Variants in DMD observed in about 807,000 individuals in gnomAD.
DMD encodes mutant dystrophin.
DMD carries 63 observed loss-of-function variants against 330.1 expected under a neutral mutation model. The observed-to-expected ratio is 0.19, with a 90% CI of 0.16 to 0.24. DMD has a LOEUF of 0.24. Among genes scored for constraint, DMD ranks in the 10% least tolerant of loss-of-function variants. The pLI is 1.00. For missense variants in DMD, 3,344 were observed against 2,684.1 expected (o/e 1.25, Z -5.43); for synonymous variants, 1,223 against 959.8 (o/e 1.27, Z -5.07).
chrX:32,978,633 C>A (rs2092619191), intron 2 of DMD, among the ~76,000 whole-genome samples: 2 of 111,546 alleles, frequency 1.8e-5, no homozygotes, highest in Admixed American at 1.9e-4. Context: ...TTACACTGAA[C>A]TAATTTTTAT....
chrX:31,834,140 G>A (rs368337167), intron 49 of DMD, among the ~76,000 whole-genome samples: 1 of 111,487 alleles, frequency 9.0e-6, no homozygotes, highest in Admixed American at 9.5e-5. Flanking sequence ...CTTTGTTCAC[G>A]TTCTATCAGA....
At chrX:31,123,422 T>C (rs1379271113) in intron 78 of DMD, among the ~76,000 whole-genome samples, 1 of 112,241 alleles carries the variant, frequency 8.9e-6, no homozygotes, top group Non-Finnish European at 1.9e-5. Context: ...AGTGGGCCAA[T>C]AGTTTGGCAG....
In DMD at chrX:31,119,876, AAAAG is replaced by A. The variant is rs769370097; in HGVS notation, c.*2039_*2042del. On this transcript the variant is annotated 3_prime_UTR_variant, in exon 79 of 79. Transcript: ENST00000357033. ...GTTTTCTTTTGAAAATTATGAAGGA[AAAAG>A]AAAGAATTATAAAGGAAAAAGAAAA... 5.4e-5 allele frequency: 6 copies of A among 111,713 alleles called. No individual in the cohort carries two copies. The highest frequency in any genetic ancestry group is 9.4e-5 in the Non-Finnish European group (5 of 53,119). The allele number at this position is 111,713 out of a possible 1,213,427, so 9.2% of individuals were successfully genotyped here.
At chrX:32,241,929 C>T (rs2097210191) in intron 43 of DMD, among the ~76,000 whole-genome samples, 1 of 110,958 alleles carries the variant, frequency 9.0e-6, no homozygotes, top group African/African-American at 3.3e-5. Flanking sequence ...ATTTTATAGC[C>T]TTAAGTGGAA....
intron 44 of DMD, among the ~76,000 whole-genome samples, chrX:32,214,791 T>C (rs1236494506): frequency 8.9e-6 from 1 of 112,112 alleles, no homozygotes; most frequent in African/African-American, 3.2e-5. Context: ...TTCAATATAT[T>C]TGAATTTATT....
intron 47 of DMD, among the ~76,000 whole-genome samples, chrX:31,921,521 T>C (rs769217984): frequency 8.9e-6 from 1 of 112,174 alleles, no homozygotes; most frequent in South Asian, 3.7e-4. Context: ...CCAAGAGCCA[T>C]ATTTACAACT....
chrX:32,013,939 C>T (rs1044167230), intron 44 of DMD, among the ~76,000 whole-genome samples: 11 of 112,112 alleles, frequency 9.8e-5, no homozygotes, highest in African/African-American at 3.2e-4. Flanking sequence ...AGACAAATAT[C>T]TAATTTGAAC....
At chrX:32,557,092 C>A (rs1363779071) in intron 16 of DMD, among the ~76,000 whole-genome samples, 1 of 111,296 alleles carries the variant, frequency 9.0e-6, no homozygotes, top group African/African-American at 3.3e-5. Context: ...CTATTATGAC[C>A]TCACAATGGC....
chrX:32,184,252 A>G (rs924102901), intron 44 of DMD, among the ~76,000 whole-genome samples: 3 of 110,831 alleles, frequency 2.7e-5, no homozygotes, highest in African/African-American at 9.8e-5. Flanking sequence ...CGTGCAATTG[A>G]CCAAAACAAT....
At chrX:32,137,862 T>A (rs2096734353) in intron 44 of DMD, among the ~76,000 whole-genome samples, 1 of 109,837 alleles carries the variant, frequency 9.1e-6, no homozygotes, top group African/African-American at 3.3e-5. Context: ...CCCTGCTATG[T>A]CCCCTATAAG....
chrX:32,644,937 G>A, intron 10 of DMD, 27 bp downstream of exon 10: 1 of 1,200,467 alleles, frequency 8.3e-7, no homozygotes, highest in Non-Finnish European at 1.1e-6. Context: ...CATATGTTTT[G>A]TTTTGTAAAT....
At chrX:33,312,459 C>T (rs754651262) in intron 1 of DMD, among the ~76,000 whole-genome samples, 1 of 111,538 alleles carries the variant, frequency 9.0e-6, no homozygotes, top group South Asian at 3.7e-4. Flanking sequence ...TGTCTTAGAA[C>T]CCAAATACAG....
chrX:32,729,536 A>G (rs1340437395), intron 7 of DMD, among the ~76,000 whole-genome samples: 1 of 111,594 alleles, frequency 9.0e-6, no homozygotes, highest in African/African-American at 3.3e-5. Flanking sequence ...GGAGTATTAT[A>G]TGCTTCAATG....
intron 17 of DMD, among the ~76,000 whole-genome samples, chrX:32,536,025 G>C (rs2148905379): frequency 9.0e-6 from 1 of 110,977 alleles, no homozygotes; most frequent in African/African-American, 3.3e-5. Context: ...CCAGTACTTT[G>C]GGAGGCCTTA....
At chrX:32,900,154 C>A (rs1350413805) in intron 2 of DMD, among the ~76,000 whole-genome samples, 3 of 111,819 alleles carry the variant, frequency 2.7e-5, no homozygotes, top group African/African-American at 9.8e-5. Flanking sequence ...AAAAGCTGTT[C>A]TTCCATAGTG....
chrX:32,503,343 T>C (rs1569564935), intron 18 of DMD, among the ~76,000 whole-genome samples: 1 of 112,161 alleles, frequency 8.9e-6, no homozygotes, highest in East Asian at 2.8e-4. Flanking sequence ...CGAACTATCA[T>C]TGCGCCACTG....
At chrX:31,633,044 G>A (rs1307486031) in intron 54 of DMD, among the ~76,000 whole-genome samples, 1 of 111,557 alleles carries the variant, frequency 9.0e-6, no homozygotes, top group Admixed American at 9.5e-5. Context: ...CTGGAGAAGG[G>A]TGGTGGCAAT....
At position 31,367,344 on chromosome X, in the gene DMD, C is replaced by G. The variant is rs72625577; in HGVS notation, c.9085-18710G>C. On this transcript the variant is annotated intron_variant, in intron 60 of 78. Coordinates refer to ENST00000357033, the MANE Select transcript of DMD (RefSeq NM_004006.3). ...AAGATTTTTGGGGGCCTTTAATGAACAGCAGTACAATTTCATTTTCATTTT... is the reference window on the plus strand; with the variant it reads ...AAGATTTTTGGGGGCCTTTAATGAAGAGCAGTACAATTTCATTTTCATTTT... Among the ~76,000 whole-genome samples the G allele has an allele frequency of 6.2e-4, 69 of 110,906 alleles. No individual in the cohort carries two copies. The South Asian group carries it at 0.02, about 32-fold the overall frequency.
At chrX:32,538,329 C>G (rs1203705094) in intron 17 of DMD, among the ~76,000 whole-genome samples, 2 of 111,479 alleles carry the variant, frequency 1.8e-5, no homozygotes. Flanking sequence ...CTTAACCGAG[C>G]GATTAACCTT....
Sources: gnomAD v4.1 joint callset for allele counts (sites outside exome capture counted in the v4.1 genomes callset) on GRCh38, gnomAD v4.1.1 for gene constraint, MANE v1.5 for transcripts, NCBI Gene and HGNC (gene_info 2026-07-23, HGNC 2026-07-21) for gene names.